The following INHBA variants were observed in gnomAD, a reference collection of about 807,000 sequenced individuals.
INHBA encodes the protein inhibin subunit beta A.
A neutral mutation model predicts 29.0 loss-of-function variants in INHBA; 1 was observed. The ratio of observed to expected loss-of-function variants is 0.03; its 90% CI spans 0.01 to 0.16. The LOEUF (loss-of-function observed/expected upper bound fraction) is 0.16. Among genes scored for constraint, INHBA ranks in the 10% least tolerant of loss-of-function variants. INHBA has a pLI of 1.00. For missense variants in INHBA, 376 were observed against 545.4 expected, an observed-to-expected ratio of 0.69 and a Z score of 3.09; for synonymous variants, 242 against 216.8, an observed-to-expected ratio of 1.12 and a Z score of -1.02.
chr7:41,694,244 A>G (rs1794589871), intron 2 of INHBA, among the ~76,000 whole-genome samples: 1 of 152,208 alleles, frequency 6.6e-6, no homozygotes, highest in African/African-American at 2.4e-5. Context: ...TCAGAAATAT[A>G]TTAAGCCTCG....
chr7:41,689,001 T>C lies in INHBA; in HGVS notation c.*649A>G, dbSNP rs368734013. The C allele has an allele frequency of 3.0e-5, 7 of 233,082 alleles. No homozygotes were observed. The South Asian group carries it at 9.1e-4, about 30-fold the overall frequency. The allele number at this position is 233,082 out of a possible 1,614,324, so 14.4% of individuals were successfully genotyped here. ...GTTCTCAATTTTTTAATGTTGTTTG[T>C]TTTGTTTTGTTGCAAAAGTGGTACA... is the stretch of plus-strand genomic sequence containing the variant. On this transcript the variant is annotated 3_prime_UTR_variant, in exon 3 of 3. Transcript: ENST00000242208.
chr7:41,691,242 C>T (rs1446550368), intron 2 of INHBA: 1 of 152,356 alleles, frequency 6.6e-6, no homozygotes, highest in Non-Finnish European at 1.5e-5. Flanking sequence ...CTCTTCTTCC[C>T]TTGTCACAGC....
chr7:41,692,451 G>A (rs1284507367), intron 2 of INHBA: 1 of 152,180 alleles, frequency 6.6e-6, no homozygotes, highest in Non-Finnish European at 1.5e-5. Context: ...TGTGCATTGC[G>A]TACTGTGGAT....
chr7:41,699,770 G>A (rs1794729653), intron 2 of INHBA, among the ~76,000 whole-genome samples: 1 of 151,998 alleles, frequency 6.6e-6, no homozygotes, highest in Admixed American at 6.6e-5. Context: ...TCATCTCCAG[G>A]CAGAGCTCGA....
In INHBA at chr7:41,689,464, C is replaced by T; in HGVS notation, c.*186G>A. 7.3e-6 allele frequency: 4 copies of T among 550,984 alleles called. No homozygotes were observed. Among genetic ancestry groups the T allele is most frequent in the Admixed American group, 3.9e-5 (1 of 25,724 alleles). The allele number at this position is 550,984 out of a possible 1,614,324, so 34.1% of individuals were successfully genotyped here. On this transcript the variant is annotated 3_prime_UTR_variant, in exon 3 of 3. Transcript: ENST00000242208. ...CTGAGCCCTGGCTAAGGATTTTTTC[C>T]ACATCTTCCTTCATCTGTTTCATCA... is the stretch of plus-strand genomic sequence containing the variant.
chr7:41,692,979 G>T (rs1427696365), intron 2 of INHBA, among the ~76,000 whole-genome samples: 1 of 152,170 alleles, frequency 6.6e-6, no homozygotes, highest in Non-Finnish European at 1.5e-5. Flanking sequence ...CCAAGCCTTG[G>T]ATAACTAGCC....
Position 41,690,113 on chromosome 7 carries a change from C to T in INHBA, c.818G>A (p.Gly273Asp). 6.2e-7 allele frequency: 1 copy of T among 1,613,736 alleles called. No individual in the cohort carries two copies. The highest frequency in any genetic ancestry group is 1.1e-5 in the South Asian group (1 of 91,082). ...KEEEGEGKKK[G>D]GGEGGAGADE... ...TGCTCCTGCCCCACCTTCACCTCCGCCCTTCTTTTTCCCTTCCCCCTCCTC... is the reference window on the plus strand; with the variant it reads ...TGCTCCTGCCCCACCTTCACCTCCGTCCTTCTTTTTCCCTTCCCCCTCCTC... The change falls in exon 3 of 3, where the codon GGC becomes GAC. Residue 273 changes from glycine (G) to aspartate (D), a missense_variant. Gly to Asp is a moderately conservative substitution (Grantham distance 94). Coordinates refer to ENST00000242208, the MANE Select transcript of INHBA (RefSeq NM_002192.4).
rs142519810 is a variant in INHBA at position 41,690,527 on chromosome 7, G to A, written c.404C>T (p.Thr135Met). 876 of 1,603,416 alleles carry A rather than the reference G, an allele frequency of 5.5e-4. 1 individual carries two copies. The highest frequency in any genetic ancestry group is 7.2e-4 in the Non-Finnish European group (851 of 1,175,740). Residue 135 changes from threonine to methionine, a missense_variant, in exon 3 of 3, where the codon ACG (threonine) becomes ATG (methionine). Transcript: ENST00000242208. Reference protein sequence around the residue: ...TFAESGTARKTLHFEISKEGS... With the variant: ...TFAESGTARKMLHFEISKEGS... ...TTCCTTGGAAATCTCGAAGTGCAGC[G>A]TCTTCCTGGCTGTTCCTGAAGATGA...
chr7:41,700,159 G>A lies in INHBA; in HGVS notation c.216C>T (p.Pro72=). 4 of 1,614,022 alleles carry A rather than the reference G, an allele frequency of 2.5e-6. No homozygotes were observed. The highest frequency in any genetic ancestry group is 1.3e-5 in the African/African-American group (1 of 74,994). ...CCTTGGGTACCGGCTGGGTGACATC[G>A]GGTCTCTTCTTCAAGTGCAGCATGT... is the stretch of plus-strand genomic sequence containing the variant. ...ILNMLHLKKR[P]DVTQPVPKAA... is the part of the protein sequence containing the mutation. Residue 72 remains proline, a synonymous_variant, in exon 2 of 3, where the codon CCC becomes CCT. Coordinates refer to ENST00000242208, the MANE Select transcript of INHBA (RefSeq NM_002192.4).
At chr7:41,700,615 TTC>T (rs533371039) in intron 1 of INHBA, 98 bp from the exon 2 acceptor site, 43 of 364,040 alleles carry the variant, frequency 1.2e-4, no homozygotes, top group Non-Finnish European at 1.8e-4. Context: ...GGGAGGAGAG[TTC>T]TGACTGTCTC....
At chr7:41,704,585 A>G (rs1794868387), upstream of INHBA, among the ~76,000 whole-genome samples, 1 of 147,486 alleles carries the variant, frequency 6.8e-6, no homozygotes, top group African/African-American at 2.5e-5. Context: ...TGTCCTGAAA[A>G]CATCCCCTCC....
intron 2 of INHBA, 34 bp from the exon 3 acceptor site, chr7:41,690,576 C>A: frequency 6.6e-7 from 1 of 1,523,990 alleles, no homozygotes; most frequent in South Asian, 1.3e-5. Flanking sequence ...AGAAAACAGG[C>A]ACACCTGTTA....
chr7:41,690,671 ACAG>A, intron 2 of INHBA, 129 bp from the exon 3 acceptor site: 1 of 1,189,666 alleles, frequency 8.4e-7, no homozygotes, highest in Non-Finnish European at 1.1e-6. Flanking sequence ...TCAACAAATG[ACAG>A]CCCATGGGCT....
At chr7:41,692,077 T>G (rs569492514) in intron 2 of INHBA, 1 of 152,368 alleles carries the variant, frequency 6.6e-6, no homozygotes, top group East Asian at 1.9e-4. Flanking sequence ...AGCAACTGTA[T>G]GTTTAATGAC....
At chr7:41,690,652 G>A in intron 2 of INHBA, 110 bp from the exon 3 acceptor site, 1 of 1,345,692 alleles carries the variant, frequency 7.4e-7, no homozygotes, top group Non-Finnish European at 9.8e-7. Flanking sequence ...AGACCCTCTT[G>A]AATAGGGGTC....
Position 41,689,466 on chromosome 7 carries a change from C to A in INHBA, c.*184G>T. The A allele has an allele frequency of 1.8e-6, 1 of 557,060 alleles. No individual in the cohort carries two copies. The highest frequency in any genetic ancestry group is 3.5e-5 in the South Asian group (1 of 28,454). The allele number at this position is 557,060 out of a possible 1,614,324, so 34.5% of individuals were successfully genotyped here. On this transcript the variant is annotated 3_prime_UTR_variant, in exon 3 of 3. Transcript: ENST00000242208. ...GAGCCCTGGCTAAGGATTTTTTCCACATCTTCCTTCATCTGTTTCATCAGG... is the reference window on the plus strand; with the variant it reads ...GAGCCCTGGCTAAGGATTTTTTCCAAATCTTCCTTCATCTGTTTCATCAGG...
chr7:41,695,072 T>C (rs1022504930), intron 2 of INHBA, among the ~76,000 whole-genome samples: 1 of 152,372 alleles, frequency 6.6e-6, no homozygotes, highest in Middle Eastern at 3.4e-3. Context: ...TGCAAAATGC[T>C]GGACTCATCC....
intron 2 of INHBA, among the ~76,000 whole-genome samples, chr7:41,697,740 AG>A (rs1794680113): frequency 6.6e-6 from 1 of 152,240 alleles, no homozygotes; most frequent in South Asian, 2.1e-4. Flanking sequence ...AACAAGACAT[AG>A]GTCTTTTCTA....
At chr7:41,696,879 G>T (rs1049366305) in intron 2 of INHBA, among the ~76,000 whole-genome samples, 3 of 152,040 alleles carry the variant, frequency 2.0e-5, no homozygotes, top group African/African-American at 7.3e-5. Flanking sequence ...TATGTGTTGC[G>T]CTTAACAACA....
Sources: gnomAD v4.1 joint callset for allele counts (sites outside exome capture counted in the v4.1 genomes callset) on GRCh38, gnomAD v4.1.1 for gene constraint, MANE v1.5 for transcripts, NCBI Gene and HGNC (gene_info 2026-07-23, HGNC 2026-07-21) for gene names.